The following ZNF98 variants were observed in gnomAD, a reference collection of about 807,000 sequenced individuals.
ZNF98 encodes the protein zinc finger protein 739.
Under a neutral mutation model 12.8 loss-of-function variants are expected in ZNF98, and 8 were observed. The observed-to-expected ratio is 0.63, with a 90% CI of 0.37 to 1.13. The LOEUF (loss-of-function observed/expected upper bound fraction) is 1.13. ZNF98 is among the 50% of genes most tolerant of loss of function. The pLI is 0.01. For missense variants in ZNF98, 379 were observed against 666.1 expected, an observed-to-expected ratio of 0.57 and a Z score of 4.74; for synonymous variants, 112 against 223.5, an observed-to-expected ratio of 0.50 and a Z score of 4.45.
intron 1 of ZNF98, among the ~76,000 whole-genome samples, chr19:22,407,020 C>A (rs191604890): frequency 6.6e-6 from 1 of 151,808 alleles, no homozygotes; most frequent in South Asian, 2.1e-4. Context: ...ATGCAAAAAA[C>A]CTAAGAACCT....
intron 1 of ZNF98, among the ~76,000 whole-genome samples, chr19:22,414,500 G>A (rs1969618475): frequency 6.6e-6 from 1 of 151,976 alleles, no homozygotes; most frequent in Non-Finnish European, 1.5e-5. Flanking sequence ...ATACTACAGG[G>A]TACAGTAAAC....
At chr19:22,394,963 G>A (rs1969373229) in intron 3 of ZNF98, among the ~76,000 whole-genome samples, 1 of 152,060 alleles carries the variant, frequency 6.6e-6, no homozygotes, top group Middle Eastern at 3.4e-3. Flanking sequence ...ACTGAGGTCC[G>A]GAGTTTGAGA....
Position 22,391,617 on chromosome 19 carries a change from G to T in ZNF98, c.1618C>A (p.His540Asn). The change falls in exon 4 of 4, where the codon CAT (histidine) becomes AAT (asparagine). Residue 540 changes from histidine (H) to asparagine (N), a missense_variant. His to Asn is a moderately conservative substitution (Grantham distance 68, BLOSUM62 1). Transcript: ENST00000357774. ...GGTTTGTAGAGTTTCTCTCCAGTAT[G>T]AATCATCTTATGTCTGTTAAGAATA... is the stretch of plus-strand genomic sequence containing the variant. The part of the protein sequence containing the change: ...SSILNRHKMI[H>N]TGEKLYKPES... The T allele has an allele frequency of 6.2e-7, 1 of 1,613,178 alleles. No homozygotes were observed.
chr19:22,394,395 A>T (rs920304369), intron 3 of ZNF98, among the ~76,000 whole-genome samples: 3 of 152,166 alleles, frequency 2.0e-5, no homozygotes, highest in African/African-American at 7.2e-5. Context: ...ACGTACATTT[A>T]TTGCGGCACT....
chr19:22,405,269 TAAAAA>T (rs71180544), intron 1 of ZNF98, among the ~76,000 whole-genome samples: 1 of 123,596 alleles, frequency 8.1e-6, no homozygotes, highest in Non-Finnish European at 1.6e-5. Context: ...CATGCTTAGC[TAAAAA>T]AAAAAAAAAA....
chr19:22,420,299 A>G (rs116480634), intron 1 of ZNF98, among the ~76,000 whole-genome samples: 2,354 of 152,334 alleles, frequency 0.015, 73 homozygotes, highest in African/African-American at 0.054. Flanking sequence ...ACAGTGCACT[A>G]TGCTCAAGTG....
At chr19:22,395,361 G>C (rs1393169656) in intron 3 of ZNF98, among the ~76,000 whole-genome samples, 3 of 151,590 alleles carry the variant, frequency 2.0e-5, no homozygotes, top group Non-Finnish European at 4.4e-5. Context: ...GTGACAGGTA[G>C]CTTTTTTGAT....
intron 1 of ZNF98, among the ~76,000 whole-genome samples, chr19:22,408,125 G>A (rs994250789): frequency 6.6e-6 from 1 of 152,166 alleles, no homozygotes; most frequent in Non-Finnish European, 1.5e-5. Context: ...TCCCTGGGAT[G>A]CAGGGCTGGT....
intron 3 of ZNF98, among the ~76,000 whole-genome samples, chr19:22,399,330 T>C (rs899053550): frequency 1.3e-5 from 2 of 152,106 alleles, no homozygotes; most frequent in Non-Finnish European, 2.9e-5. Context: ...AAGACTCTAA[T>C]GACAAACTGA....
chr19:22,401,663 T>G (rs1033569892), intron 3 of ZNF98, among the ~76,000 whole-genome samples: 3 of 151,352 alleles, frequency 2.0e-5, no homozygotes, highest in Non-Finnish European at 4.4e-5. Flanking sequence ...TTTTGTATTT[T>G]TAGTAGAGAC....
At chr19:22,417,048 G>A (rs1969651780) in intron 1 of ZNF98, among the ~76,000 whole-genome samples, 1 of 151,994 alleles carries the variant, frequency 6.6e-6, no homozygotes, top group Non-Finnish European at 1.5e-5. Context: ...TGACCAACAT[G>A]GAGAAACCCC....
At chr19:22,413,450 G>A (rs1175426526) in intron 1 of ZNF98, among the ~76,000 whole-genome samples, 3 of 152,064 alleles carry the variant, frequency 2.0e-5, no homozygotes, top group South Asian at 2.1e-4. Flanking sequence ...AAACATGCAC[G>A]CCAAAAGCCA....
chr19:22,405,425 C>G (rs955161802), intron 1 of ZNF98, among the ~76,000 whole-genome samples: 5 of 152,114 alleles, frequency 3.3e-5, no homozygotes, highest in African/African-American at 1.2e-4. Flanking sequence ...GACTAGGCAG[C>G]TGGCATGACC....
chr19:22,401,499 T>C (rs1434057255), intron 3 of ZNF98, among the ~76,000 whole-genome samples: 1 of 151,844 alleles, frequency 6.6e-6, no homozygotes, highest in Non-Finnish European at 1.5e-5. Flanking sequence ...TTTTTTTTTT[T>C]TGAGATGGAG....
At chr19:22,412,984 C>T (rs1344479751) in intron 1 of ZNF98, among the ~76,000 whole-genome samples, 2 of 151,864 alleles carry the variant, frequency 1.3e-5, no homozygotes, top group Non-Finnish European at 2.9e-5. Context: ...ACCCACGAGG[C>T]GGAGCTTGCA....
At position 22,392,516 on chromosome 19, in the gene ZNF98, C is replaced by T; in HGVS notation, c.719G>A (p.Cys240Tyr). The T allele has an allele frequency of 1.2e-6, 2 of 1,602,276 alleles. No homozygotes were observed. Among genetic ancestry groups the T allele is most frequent in the Middle Eastern group, 1.8e-4 (1 of 5,632 alleles). Residue 240 changes from cysteine (C) to tyrosine (Y), a missense_variant, in exon 4 of 4, where the codon TGC (cysteine) becomes TAC (tyrosine). By Grantham distance (194) the Cys-to-Tyr change is radical (BLOSUM62 -2). This residue lies in a region of ZNF98 where 24 missense variants were observed against 48.8 expected (regional missense o/e 0.49). Transcript: ENST00000357774. ...GTTAAAGGCTTTTCCACACTCTTCG[C>T]ATTTGTAGGGTTTCTTTCCAGTATG... ...RIHTGKKPYK[C>Y]EECGKAFNRL... is the part of the protein sequence containing the mutation.
intron 1 of ZNF98, among the ~76,000 whole-genome samples, chr19:22,421,977 G>A (rs927889658): frequency 6.6e-6 from 1 of 152,206 alleles, no homozygotes; most frequent in African/African-American, 2.4e-5. Context: ...TCAGGGCACA[G>A]TCACTGGGCA....
chr19:22,407,562 T>C (rs1009442851), intron 1 of ZNF98, among the ~76,000 whole-genome samples: 4 of 147,754 alleles, frequency 2.7e-5, no homozygotes, highest in African/African-American at 1.0e-4. Flanking sequence ...AAATCCAAAA[T>C]TTAGCTGGGT....
intron 1 of ZNF98, among the ~76,000 whole-genome samples, chr19:22,421,776 T>C (rs1342080671): frequency 1.3e-5 from 2 of 152,094 alleles, no homozygotes; most frequent in African/African-American, 4.8e-5. Flanking sequence ...TCGCGATAAT[T>C]CCCATACATT....
Sources: gnomAD v4.1 joint callset for allele counts (sites outside exome capture counted in the v4.1 genomes callset) on GRCh38, gnomAD v4.1.1 for gene constraint, gnomAD v4.1.1 regional missense constraint, MANE v1.5 for transcripts, NCBI Gene and HGNC (gene_info 2026-07-23, HGNC 2026-07-21) for gene names.